SORCS1: variants seen among roughly 807,000 people sequenced by gnomAD.
SORCS1 encodes sortilin related VPS10 domain containing receptor 1, also known as VPS10 domain-containing receptor SorCS1.
A neutral mutation model predicts 146.1 loss-of-function variants in SORCS1; 60 were observed. The observed-to-expected ratio is 0.41, with a 90% CI of 0.33 to 0.51. The LOEUF (loss-of-function observed/expected upper bound fraction) is 0.51, where lower values mean the gene tolerates loss of function less well. Ranked by LOEUF, SORCS1 falls within the 20% of genes least tolerant of loss-of-function variation. The pLI is 0.21. For missense variants in SORCS1, 1,352 were observed against 1,487.6 expected, an observed-to-expected ratio of 0.91 and a Z score of 1.50; for synonymous variants, 637 against 584.0, an observed-to-expected ratio of 1.09 and a Z score of -1.31.
chr10:107,050,315 AC>A (rs1219725975), intron 1 of SORCS1, among the ~76,000 whole-genome samples: 1 of 152,166 alleles, frequency 6.6e-6, no homozygotes, highest in African/African-American at 2.4e-5. Context: ...TAAACACCTG[AC>A]AGAGAAAAAT....
intron 1 of SORCS1, among the ~76,000 whole-genome samples, chr10:107,043,754 T>G (rs1959192368): frequency 6.6e-6 from 1 of 152,188 alleles, no homozygotes; most frequent in Non-Finnish European, 1.5e-5. Flanking sequence ...TGATGCCTAC[T>G]AAATTCGGCA....
intron 3 of SORCS1, among the ~76,000 whole-genome samples, chr10:106,780,182 T>A (rs1860784430): frequency 6.6e-6 from 1 of 152,188 alleles, no homozygotes; most frequent in Admixed American, 6.5e-5. Context: ...AATGAATAAG[T>A]CATATCTTCT....
At chr10:106,869,795 C>A (rs1007330949) in intron 2 of SORCS1, among the ~76,000 whole-genome samples, 1 of 152,042 alleles carries the variant, frequency 6.6e-6, no homozygotes, top group African/African-American at 2.4e-5. Flanking sequence ...ACAAGGATGC[C>A]CTCTCTCACT....
At chr10:106,666,606 G>A (rs2135426636) in intron 17 of SORCS1, among the ~76,000 whole-genome samples, 1 of 150,988 alleles carries the variant, frequency 6.6e-6, no homozygotes, top group African/African-American at 2.4e-5. Context: ...ACCCAGGCTG[G>A]AGTGCAGTGG....
At chr10:106,981,676 G>C (rs937817117) in intron 1 of SORCS1, among the ~76,000 whole-genome samples, 2 of 151,760 alleles carry the variant, frequency 1.3e-5, no homozygotes, top group Non-Finnish European at 2.9e-5. Flanking sequence ...TTTTTTTCTC[G>C]TCTCCAACAA....
chr10:106,781,938 T>C (rs570621369), intron 3 of SORCS1, among the ~76,000 whole-genome samples: 15 of 147,836 alleles, frequency 1.0e-4, no homozygotes, highest in Admixed American at 6.6e-5. Context: ...CTGATAGAAA[T>C]GAGTCAAATC....
At chr10:106,808,012 C>T (rs1223628548) in intron 3 of SORCS1, among the ~76,000 whole-genome samples, 1 of 152,224 alleles carries the variant, frequency 6.6e-6, no homozygotes, top group African/African-American at 2.4e-5. Flanking sequence ...GTATTAGTGA[C>T]TCTATTTTTA....
chr10:107,014,346 C>G (rs1258224410), intron 1 of SORCS1, among the ~76,000 whole-genome samples: 1 of 151,572 alleles, frequency 6.6e-6, no homozygotes, highest in Admixed American at 6.6e-5. Flanking sequence ...CATCTTCCAG[C>G]TTTTTTTCTG....
intron 1 of SORCS1, among the ~76,000 whole-genome samples, chr10:107,014,183 C>T (rs989618791): frequency 1.4e-5 from 2 of 145,940 alleles, no homozygotes; most frequent in East Asian, 4.1e-4. Context: ...ACCTGGGAGG[C>T]AGAGGTTGCG....
chr10:107,057,860 T>C (rs1387276447), intron 1 of SORCS1, among the ~76,000 whole-genome samples: 1 of 152,150 alleles, frequency 6.6e-6, no homozygotes, highest in Admixed American at 6.5e-5. Context: ...CAGGCCGCAG[T>C]GCAGTGGCTA....
At position 107,115,743 on chromosome 10, in the gene SORCS1, C is replaced by A. The variant is rs555362817; in HGVS notation, c.558+48226G>T. ...AACAGGCAATAAAAGCAAACACAAA[C>A]AAATGGGAGTACATAAAACCAAAAA... is the stretch of plus-strand genomic sequence containing the variant. On this transcript the variant is annotated intron_variant, in intron 1 of 25. Coordinates refer to ENST00000263054, the MANE Select transcript of SORCS1 (RefSeq NM_052918.5). 5.3e-5 allele frequency among the ~76,000 whole-genome samples: 8 copies of A among 152,010 alleles called. No individual in the cohort carries two copies. The South Asian group carries it at 1.7e-3, about 32-fold the overall frequency.
intron 1 of SORCS1, among the ~76,000 whole-genome samples, chr10:107,001,326 T>C (rs1957209372): frequency 6.6e-6 from 1 of 152,182 alleles, no homozygotes; most frequent in Non-Finnish European, 1.5e-5. Flanking sequence ...ATGGGAGGAC[T>C]CTTGGCCAGG....
chr10:106,668,539 G>T (rs1000484001), intron 16 of SORCS1, among the ~76,000 whole-genome samples: 11 of 152,132 alleles, frequency 7.2e-5, no homozygotes, highest in African/African-American at 2.7e-4. Flanking sequence ...CACAGAGAAT[G>T]ACAACAAATT....
intron 1 of SORCS1, among the ~76,000 whole-genome samples, chr10:107,122,401 G>A (rs1180804027): frequency 6.6e-6 from 1 of 152,162 alleles, no homozygotes. Flanking sequence ...CAATGTCAGG[G>A]TTCTGTGGCT....
chr10:106,723,019 T>C (rs748088854), intron 6 of SORCS1, among the ~76,000 whole-genome samples: 1 of 152,146 alleles, frequency 6.6e-6, no homozygotes, highest in African/African-American at 2.4e-5. Context: ...CACATTAATA[T>C]ATTTATTCAA....
At chr10:107,059,524 T>A (rs1428117873) in intron 1 of SORCS1, among the ~76,000 whole-genome samples, 1 of 152,000 alleles carries the variant, frequency 6.6e-6, no homozygotes, top group Non-Finnish European at 1.5e-5. Flanking sequence ...ATGCACACAA[T>A]CCCAGTAAAA....
intron 2 of SORCS1, among the ~76,000 whole-genome samples, chr10:106,934,676 G>T (rs1050581931): frequency 6.6e-6 from 1 of 152,094 alleles, no homozygotes; most frequent in African/African-American, 2.4e-5. Flanking sequence ...GCCCATCAAC[G>T]ATTGAGTGTA....
At chr10:106,870,431 T>C (rs1011279228) in intron 2 of SORCS1, among the ~76,000 whole-genome samples, 1 of 152,066 alleles carries the variant, frequency 6.6e-6, no homozygotes, top group African/African-American at 2.4e-5. Context: ...TTCCTGGCTA[T>C]AAACTATACC....
chr10:106,807,659 G>A (rs1284857512), intron 3 of SORCS1, among the ~76,000 whole-genome samples: 2 of 152,242 alleles, frequency 1.3e-5, no homozygotes, highest in Non-Finnish European at 2.9e-5. Flanking sequence ...AGAATCCATT[G>A]CAAGTAATTG....
Sources: gnomAD v4.1 joint callset for allele counts (sites outside exome capture counted in the v4.1 genomes callset) on GRCh38, gnomAD v4.1.1 for gene constraint, MANE v1.5 for transcripts, NCBI Gene and HGNC (gene_info 2026-07-23, HGNC 2026-07-21) for gene names.